The following EYS variants were observed in gnomAD, a reference collection of about 807,000 sequenced individuals.
EYS encodes the protein protein eyes shut homolog.
A neutral mutation model predicts 282.1 loss-of-function variants in EYS; 250 were observed. That is an observed-to-expected ratio of 0.89 (90% CI 0.80 to 0.98). The LOEUF (loss-of-function observed/expected upper bound fraction) is 0.98, where lower values mean the gene tolerates loss of function less well. Ranked by LOEUF, EYS falls within the 50% of genes least tolerant of loss-of-function variation. The pLI is 0.00. For synonymous variants in EYS, 1,355 were observed against 1,282.9 expected (o/e 1.06, Z -1.20); for missense variants, 4,016 against 3,709.0 (o/e 1.08, Z -2.15).
intron 2 of EYS, among the ~76,000 whole-genome samples, chr6:65,587,650 A>G (rs1312599095): frequency 2.6e-5 from 4 of 152,082 alleles, no homozygotes; most frequent in Admixed American, 2.6e-4. Flanking sequence ...GTGAGAATGG[A>G]CTTACACGAA....
At chr6:64,342,937 CA>C (rs892695754) in intron 29 of EYS, among the ~76,000 whole-genome samples, 22 of 151,926 alleles carry the variant, frequency 1.4e-4, no homozygotes, top group African/African-American at 5.3e-4. Flanking sequence ...TTTAAACCAA[CA>C]AACATCAAAA....
At chr6:63,872,472 A>T (rs951761524) in intron 35 of EYS, among the ~76,000 whole-genome samples, 3 of 98,972 alleles carry the variant, frequency 3.0e-5, no homozygotes, top group African/African-American at 1.3e-4. Flanking sequence ...CTATACCTAA[A>T]TATGGTTTTT....
chr6:65,153,644 C>T (rs947727680), intron 12 of EYS, among the ~76,000 whole-genome samples: 2 of 151,636 alleles, frequency 1.3e-5, no homozygotes, highest in African/African-American at 4.8e-5. Flanking sequence ...TTCTAATCAG[C>T]CTTCTGTATT....
intron 41 of EYS, among the ~76,000 whole-genome samples, chr6:63,752,364 GTACTATGAATATTA>G (rs1769358681): frequency 6.8e-6 from 1 of 147,882 alleles, no homozygotes; most frequent in Admixed American, 6.7e-5. Context: ...TATATTTATA[GTACTATGAATATTA>G]TGCCTATAAT....
chr6:65,495,673 TAG>T (rs547269838), intron 3 of EYS, 66 bp from the exon 4 acceptor site: 4 of 524,946 alleles, frequency 7.6e-6, no homozygotes, highest in African/African-American at 1.9e-5. Context: ...TAGAAAATGC[TAG>T]CTCTTTTTGT....
intron 19 of EYS, among the ~76,000 whole-genome samples, chr6:64,879,485 A>G (rs1766849453): frequency 1.3e-5 from 2 of 152,156 alleles, no homozygotes; most frequent in Admixed American, 1.3e-4. Context: ...CAAGGCAGGA[A>G]AAAAACATAC....
intron 7 of EYS, among the ~76,000 whole-genome samples, chr6:65,395,140 C>A (rs910956892): frequency 6.6e-6 from 1 of 152,146 alleles, no homozygotes; most frequent in African/African-American, 2.4e-5. Context: ...CTTAGCTCAC[C>A]GCAACCTCTG....
chr6:64,423,637 G>A (rs965565251), intron 28 of EYS, among the ~76,000 whole-genome samples: 9 of 152,094 alleles, frequency 5.9e-5, no homozygotes, highest in African/African-American at 1.9e-4. Flanking sequence ...GTGAAACCCT[G>A]ACTCTATTAA....
intron 2 of EYS, among the ~76,000 whole-genome samples, chr6:65,589,863 C>T (rs73742017): frequency 0.03 from 4,566 of 151,846 alleles, 170 homozygotes; most frequent in African/African-American, 0.092. Flanking sequence ...GTTTTAACTT[C>T]GGCTTAATGT....
intron 31 of EYS, among the ~76,000 whole-genome samples, chr6:64,097,403 A>T (rs1460275215): frequency 1.3e-5 from 2 of 152,174 alleles, no homozygotes; most frequent in African/African-American, 2.4e-5. Context: ...GCCTCCACCC[A>T]GTTTGAGCTT....
At chr6:64,574,111 T>C (rs1456753122) in intron 26 of EYS, among the ~76,000 whole-genome samples, 1 of 151,974 alleles carries the variant, frequency 6.6e-6, no homozygotes, top group Non-Finnish European at 1.5e-5. Flanking sequence ...AAAGGATGAG[T>C]TCATGTCCTT....
intron 12 of EYS, among the ~76,000 whole-genome samples, chr6:65,223,042 C>G (rs1405570484): frequency 6.6e-6 from 1 of 152,098 alleles, no homozygotes; most frequent in Non-Finnish European, 1.5e-5. Context: ...TTCCAAAATT[C>G]AGTCCCTCTA....
intron 8 of EYS, among the ~76,000 whole-genome samples, chr6:65,364,550 A>T (rs1764838691): frequency 6.6e-6 from 1 of 151,508 alleles, no homozygotes; most frequent in Non-Finnish European, 1.5e-5. Context: ...AAATATTAAG[A>T]CTTCTTATGA....
intron 15 of EYS, among the ~76,000 whole-genome samples, chr6:64,918,944 G>A (rs1198743450): frequency 3.9e-5 from 6 of 151,986 alleles, no homozygotes; most frequent in Admixed American, 3.9e-4. Flanking sequence ...ATAATACTAG[G>A]AATAAATAAA....
chr6:65,068,331 A>G (rs181181206), intron 12 of EYS, among the ~76,000 whole-genome samples: 30 of 152,178 alleles, frequency 2.0e-4, no homozygotes, highest in Non-Finnish European at 4.1e-4. Flanking sequence ...TGTTCTCTCA[A>G]ATAATGAATA....
chr6:64,542,761 T>G (rs777300586), intron 26 of EYS, among the ~76,000 whole-genome samples: 1 of 152,096 alleles, frequency 6.6e-6, no homozygotes, highest in African/African-American at 2.4e-5. Context: ...TAGATGAGCA[T>G]CTTTCATGAA....
At chr6:65,166,550 A>G (rs965660411) in intron 12 of EYS, among the ~76,000 whole-genome samples, 5 of 151,194 alleles carry the variant, frequency 3.3e-5, no homozygotes, top group South Asian at 4.1e-4. Context: ...CTTATCTCAC[A>G]TTATACAAAA....
At chr6:64,132,151 C>T (rs1229505452) in intron 31 of EYS, among the ~76,000 whole-genome samples, 1 of 151,926 alleles carries the variant, frequency 6.6e-6, no homozygotes, top group Non-Finnish European at 1.5e-5. Context: ...GTTCTTGAAA[C>T]TAGATGATTT....
chr6:64,950,464 C>CA lies in EYS; in HGVS notation c.2260-4551dup, dbSNP rs200644603. Among the ~76,000 whole-genome samples, 1,264 of 150,692 alleles carry CA rather than the reference C, an allele frequency of 8.4e-3. 18 individuals carry two copies. The highest frequency in any genetic ancestry group is 0.029 in the African/African-American group (1,202 of 41,176). The stretch of plus-strand genomic sequence containing the variant: ...TTAGGATCAAAAAGTCAATTTTTTT[C>CA]AAAAAAACATAAATTTAGATAGTCG... On this transcript the variant is annotated intron_variant, in intron 14 of 42. Coordinates refer to ENST00000503581, the MANE Select transcript of EYS (RefSeq NM_001142800.2).
Sources: gnomAD v4.1 joint callset for allele counts (sites outside exome capture counted in the v4.1 genomes callset) on GRCh38, gnomAD v4.1.1 for gene constraint, MANE v1.5 for transcripts, NCBI Gene and HGNC (gene_info 2026-07-23, HGNC 2026-07-21) for gene names.